ACACB: variants seen among roughly 807,000 people sequenced by gnomAD.
The protein encoded by ACACB is acetyl-CoA carboxylase 2.
A neutral mutation model predicts 278.8 loss-of-function variants in ACACB; 209 were observed. That is an observed-to-expected ratio of 0.75 (90% confidence interval 0.67 to 0.84). ACACB has a LOEUF of 0.84. Among genes scored for constraint, ACACB ranks in the 40% least tolerant of loss-of-function variants. ACACB has a pLI of 0.00. For synonymous variants in ACACB, 1,174 were observed against 1,285.6 expected (o/e 0.91, Z 1.86); for missense variants, 2,850 against 3,269.0 (o/e 0.87, Z 3.13).
intron 21 of ACACB, among the ~76,000 whole-genome samples, chr12:109,209,745 T>C (rs2045624843): frequency 6.6e-6 from 1 of 150,762 alleles, no homozygotes; most frequent in South Asian, 2.1e-4. Flanking sequence ...ATTTTGTAGG[T>C]GATCATCTGG....
At position 109,191,928 on chromosome 12, in the gene ACACB, G is replaced by T; in HGVS notation, c.2377G>T (p.Asp793Tyr). The change falls in exon 15 of 53, where the codon GAT (aspartate) becomes TAT (tyrosine). Residue 793 changes from aspartate to tyrosine, a missense_variant. This residue lies in a region of ACACB where 2,265 missense variants were observed against 2,561.3 expected (regional missense o/e 0.88). Transcript: ENST00000338432. ...TGCGATGTTCAGAACGTGCATGACA[G>T]ATTTCTTACACTCCCTGGAAAGGTA... The part of the protein sequence containing the change: ...ADAMFRTCMT[D>Y]FLHSLERGQV... 6.2e-7 allele frequency: 1 copy of T among 1,614,202 alleles called. No individual in the cohort carries two copies. Among genetic ancestry groups the T allele is most frequent in the East Asian group, 2.2e-5 (1 of 44,874 alleles).
rs148775132 is a variant in ACACB, at chr12:109,166,320, C to G, written c.654-541C>G. 5.4e-4 allele frequency among the ~76,000 whole-genome samples: 82 copies of G among 152,226 alleles called. 1 individual carries two copies. The East Asian group carries it at 0.015, about 28-fold the overall frequency. The stretch of plus-strand genomic sequence containing the variant: ...TAAAAATTAACTTAGGATTAAAAAT[C>G]TAAACATCCACCTTGGGACAGGTAG... On this transcript the variant is annotated intron_variant, in intron 2 of 52. Transcript: ENST00000338432.
intron 45 of ACACB, 122 bp from the exon 46 acceptor site, chr12:109,258,145 TA>T: frequency 1.4e-6 from 1 of 694,832 alleles, no homozygotes; most frequent in Non-Finnish European, 2.4e-6. Context: ...TGCCTTCCAA[TA>T]AAATAATCCG....
chr12:109,167,652 T>TATATATATATATATATATATAC (rs1245570636), intron 3 of ACACB, among the ~76,000 whole-genome samples: 2 of 140,812 alleles, frequency 1.4e-5, no homozygotes, highest in South Asian at 4.5e-4. Context: ...TATATATATA[T>TATATATATATATATATATATAC]ATTTCAGACA....
At chr12:109,144,623 A>T (rs1249806340) in intron 2 of ACACB, among the ~76,000 whole-genome samples, 1 of 152,152 alleles carries the variant, frequency 6.6e-6, no homozygotes, top group Non-Finnish European at 1.5e-5. Context: ...TCTGTAAAAT[A>T]GAATGGGTCT....
rs1404273754 is a variant in ACACB at position 109,191,595 on chromosome 12, T to C, written c.2145-18T>C. The C allele has an allele frequency of 3.7e-6, 6 of 1,613,636 alleles. No homozygotes were observed. The highest frequency in any genetic ancestry group is 2.2e-5 in the East Asian group (1 of 44,872). On this transcript the variant is annotated intron_variant, in intron 13 of 52. Transcript: ENST00000338432. ...ATGCATGAATTTGGAAAATGATCCATGTGCCTTTCCCTTCAAGGAACATGG... is the reference window on the plus strand; with the variant it reads ...ATGCATGAATTTGGAAAATGATCCACGTGCCTTTCCCTTCAAGGAACATGG...
In ACACB at chr12:109,210,445, GTGTATATA is replaced by G. The variant is rs528353015; in HGVS notation, c.3249+1102_3249+1109del. Among the ~76,000 whole-genome samples the G allele has an allele frequency of 5.7e-3, 677 of 118,408 alleles. 5 individuals are homozygous for G. Among genetic ancestry groups the G allele is most frequent in the Non-Finnish European group, 8.6e-3 (499 of 58,296 alleles). The allele number at this position is 118,408 out of a possible 152,430, so 77.7% of individuals were successfully genotyped here. The stretch of plus-strand genomic sequence containing the variant: ...TATATGTATATACACGCACATACAT[GTGTATATA>G]TGTATATATACGCACATACATGTGT... On this transcript the variant is annotated intron_variant, in intron 21 of 52. Transcript: ENST00000338432.
intron 27 of ACACB, 95 bp from the exon 28 acceptor site, chr12:109,227,276 C>T: frequency 9.2e-7 from 1 of 1,085,376 alleles, no homozygotes; most frequent in Admixed American, 2.1e-5. Context: ...TTTTAGAGGT[C>T]ATTTCTGGTA....
chr12:109,198,263 C>CT (rs1332668533), intron 17 of ACACB, among the ~76,000 whole-genome samples: 8 of 152,154 alleles, frequency 5.3e-5, no homozygotes, highest in African/African-American at 1.9e-4. Flanking sequence ...AGGTTCTACT[C>CT]TCCCCAGTTC....
rs748009251 is a variant in ACACB, at chr12:109,185,572, A to AT, written c.1819-3dup. 2.5e-6 allele frequency: 4 copies of AT among 1,613,134 alleles called. No individual in the cohort carries two copies. In the African/African-American group the frequency reaches 5.3e-5, roughly 22 times the overall value. On this transcript the variant is annotated splice_polypyrimidine_tract_variant and splice_region_variant and intron_variant, in intron 11 of 52. Coordinates refer to ENST00000338432, the MANE Select transcript of ACACB (RefSeq NM_001093.4). ...GACAGTCTGTGGGTTGGATCTCTTG[A>AT]TTTTAGATCGCCATGGGCGTGCCAC...
At chr12:109,180,365 C>A (rs993485245) in intron 11 of ACACB, among the ~76,000 whole-genome samples, 1 of 152,194 alleles carries the variant, frequency 6.6e-6, no homozygotes, top group Non-Finnish European at 1.5e-5. Context: ...ATATCCTAAT[C>A]CCTGTCTTGT....
rs1021858679 is a variant in ACACB at position 109,130,968 on chromosome 12, T to C, written c.-9-8429T>C. ...CCCTTGGAACATCTGTCGATGCTGT[T>C]TTCCTGTCTACCCAGGGCTGTTGTG... is the stretch of plus-strand genomic sequence containing the variant. On this transcript the variant is annotated intron_variant, in intron 1 of 52. Coordinates refer to ENST00000338432, the MANE Select transcript of ACACB (RefSeq NM_001093.4). Among the ~76,000 whole-genome samples the C allele has an allele frequency of 4.6e-5, 7 of 152,260 alleles. No individual in the cohort carries two copies. The South Asian group carries it at 8.3e-4, about 18-fold the overall frequency.
chr12:109,126,819 C>A (rs1210560252), intron 1 of ACACB, among the ~76,000 whole-genome samples: 1 of 152,182 alleles, frequency 6.6e-6, no homozygotes, highest in African/African-American at 2.4e-5. Flanking sequence ...TCTCAGAGGG[C>A]CCTGGGAGAC....
At chr12:109,240,754 A>G (rs112375732) in intron 35 of ACACB, among the ~76,000 whole-genome samples, 59 of 152,064 alleles carry the variant, frequency 3.9e-4, no homozygotes, top group African/African-American at 1.4e-3. Context: ...AAGCAGTGCA[A>G]TGGCTTGAGT....
intron 31 of ACACB, among the ~76,000 whole-genome samples, chr12:109,234,867 A>G (rs1252357365): frequency 6.6e-6 from 1 of 151,578 alleles, no homozygotes; most frequent in Non-Finnish European, 1.5e-5. Flanking sequence ...ACCATGGCAC[A>G]TATATACCTG....
In ACACB at chr12:109,206,696, TG is replaced by T; in HGVS notation, c.2914-12del. The T allele has an allele frequency of 6.2e-7, 1 of 1,613,558 alleles. No homozygotes were observed. The highest frequency in any genetic ancestry group is 1.1e-5 in the South Asian group (1 of 91,052). ...GAGTTTTCCTGACCTGTCGTTCTTG[TG>T]GTGTCTCATCAGGCTGAACCGTTCA... On this transcript the variant is annotated splice_polypyrimidine_tract_variant and intron_variant, in intron 19 of 52. Coordinates refer to ENST00000338432, the MANE Select transcript of ACACB (RefSeq NM_001093.4).
chr12:109,202,323 A>AT lies in ACACB; in HGVS notation c.2913+631dup, dbSNP rs1038070729. ...ATTGTTAGTATTATTATTATTATTC[A>AT]TTTTTTTTTGAGACAGACTCTCGCT... is the stretch of plus-strand genomic sequence containing the variant. On this transcript the variant is annotated intron_variant, in intron 19 of 52. Coordinates refer to ENST00000338432, the MANE Select transcript of ACACB (RefSeq NM_001093.4). Among the ~76,000 whole-genome samples the AT allele has an allele frequency of 4.4e-4, 66 of 150,568 alleles. 1 individual carries two copies. The highest frequency in any genetic ancestry group is 1.1e-3 in the African/African-American group (47 of 41,080).
In ACACB at chr12:109,258,202, C is replaced by T. The variant is rs538973089; in HGVS notation, c.6264-66C>T. ...TCCTCCACGTGCCCTCACCCCCACA[C>T]CCAGAGGTCCCCAAATGCACCTGGG... On this transcript the variant is annotated intron_variant, in intron 45 of 52. Coordinates refer to ENST00000338432, the MANE Select transcript of ACACB (RefSeq NM_001093.4). 74 of 1,271,074 alleles carry T rather than the reference C, an allele frequency of 5.8e-5. No homozygotes were observed. The African/African-American group carries it at 1.0e-3, about 18-fold the overall frequency. 78.7% of individuals were successfully genotyped at this position (1,271,074 alleles called of 1,614,324 possible).
intron 28 of ACACB, among the ~76,000 whole-genome samples, chr12:109,232,283 C>T (rs1016005090): frequency 6.6e-6 from 1 of 152,206 alleles, no homozygotes; most frequent in Non-Finnish European, 1.5e-5. Context: ...CTGGAGTGTC[C>T]GTCAGGACCA....
Sources: allele counts gnomAD v4.1 joint callset (sites outside exome capture counted in the v4.1 genomes callset), GRCh38; gene constraint gnomAD v4.1.1; regional missense constraint gnomAD v4.1.1; transcripts MANE v1.5; gene names NCBI Gene and HGNC (gene_info 2026-07-23, HGNC 2026-07-21).